AFF3: variants seen among roughly 807,000 people sequenced by gnomAD.
The protein encoded by AFF3 is AF4/FMR2 family member 3.
AFF3 carries 32 observed loss-of-function variants against 129.7 expected under a neutral mutation model. The ratio of observed to expected loss-of-function variants is 0.25; its 90% confidence interval spans 0.19 to 0.33. The LOEUF is 0.33. Among genes scored for constraint, AFF3 ranks in the 10% least tolerant of loss-of-function variants. The pLI is 1.00. For missense variants in AFF3, 1,373 were observed against 1,592.0 expected (o/e 0.86, Z 2.34); for synonymous variants, 644 against 635.4 (o/e 1.01, Z -0.20).
chr2:99,557,945 A>G (rs988226659), intron 22 of AFF3, among the ~76,000 whole-genome samples: 2 of 152,226 alleles, frequency 1.3e-5, no homozygotes, highest in Non-Finnish European at 2.9e-5. Flanking sequence ...AGAGGACCAG[A>G]AATCTCAAAT....
rs1674108610 is a variant in AFF3 at position 99,547,346 on chromosome 2, A to C, written c.*4128T>G. The C allele has an allele frequency of 4.6e-6, 1 of 219,100 alleles. No individual in the cohort carries two copies. The highest frequency in any genetic ancestry group is 1.8e-4 in the South Asian group (1 of 5,410). The allele number at this position is 219,100 out of a possible 1,614,324, so 13.6% of individuals were successfully genotyped here. ...GTTTATAAATTCCAATTTCACATGG[A>C]TTAAAAACTGCAGATAAATTAAGTC... On this transcript the variant is annotated 3_prime_UTR_variant, in exon 25 of 25. Transcript: ENST00000672756.
chr2:99,908,252 G>C (rs1406194025), intron 7 of AFF3, among the ~76,000 whole-genome samples: 1 of 152,098 alleles, frequency 6.6e-6, no homozygotes, highest in African/African-American at 2.4e-5. Flanking sequence ...AATAAATGGT[G>C]CTGGGAAAAC....
intron 14 of AFF3, among the ~76,000 whole-genome samples, chr2:99,598,138 C>A (rs1359680444): frequency 1.3e-5 from 2 of 152,144 alleles, no homozygotes; most frequent in Non-Finnish European, 2.9e-5. Flanking sequence ...TACACCCGAG[C>A]AATAGTAAGG....
chr2:99,617,778 C>T lies in AFF3; in HGVS notation c.1185-16157G>A, dbSNP rs148172685. 2.4e-3 allele frequency among the ~76,000 whole-genome samples: 361 copies of T among 152,200 alleles called. 1 individual carries two copies. The highest frequency in any genetic ancestry group is 8.4e-3 in the African/African-American group (349 of 41,496). ...TTTCAAGGCATTTTCTTTTCAAGTC[C>T]CACCTCTGAGCCTCACAACAAACCA... On this transcript the variant is annotated intron_variant, in intron 13 of 24. Coordinates refer to ENST00000672756, the MANE Select transcript of AFF3 (RefSeq NM_001386135.1).
intron 11 of AFF3, chr2:99,707,698 C>A: frequency 1.1e-6 from 1 of 948,220 alleles, no homozygotes; most frequent in Non-Finnish European, 1.3e-6. Flanking sequence ...AGGATGCCTG[C>A]CTTTTTTTTT....
At chr2:99,914,515 T>C (rs1284411703) in intron 7 of AFF3, among the ~76,000 whole-genome samples, 1 of 152,174 alleles carries the variant, frequency 6.6e-6, no homozygotes, top group Non-Finnish European at 1.5e-5. Context: ...GGTCTGTAGA[T>C]TATAGCATTG....
chr2:99,783,855 G>A (rs1684587696), intron 8 of AFF3, among the ~76,000 whole-genome samples: 1 of 152,186 alleles, frequency 6.6e-6, no homozygotes, highest in Admixed American at 6.5e-5. Context: ...ATTCAAGAGG[G>A]TCTCCTATAC....
At chr2:99,648,311 T>A (rs944267993) in intron 13 of AFF3, among the ~76,000 whole-genome samples, 1 of 152,244 alleles carries the variant, frequency 6.6e-6, no homozygotes, top group Non-Finnish European at 1.5e-5. Context: ...TTCCCTTGCG[T>A]CTCAGTGCAT....
At chr2:99,920,723 G>C (rs986381545) in intron 7 of AFF3, among the ~76,000 whole-genome samples, 2 of 151,878 alleles carry the variant, frequency 1.3e-5, no homozygotes, top group Non-Finnish European at 2.9e-5. Context: ...GAGAAAAAAA[G>C]GTGTACAGAT....
At chr2:100,013,457 A>T (rs1306603661) in intron 4 of AFF3, among the ~76,000 whole-genome samples, 1 of 152,238 alleles carries the variant, frequency 6.6e-6, no homozygotes, top group African/African-American at 2.4e-5. Flanking sequence ...CAAGAAACTT[A>T]GGATAAGAGT....
At chr2:99,879,846 T>C (rs953693671) in intron 7 of AFF3, among the ~76,000 whole-genome samples, 1 of 152,226 alleles carries the variant, frequency 6.6e-6, no homozygotes, top group African/African-American at 2.4e-5. Flanking sequence ...ACAGATAAAG[T>C]AGCTACAAAC....
chr2:99,751,555 A>G lies in AFF3; in HGVS notation c.1002+666T>C, dbSNP rs148393009. Among the ~76,000 whole-genome samples the G allele has an allele frequency of 4.5e-4, 69 of 152,358 alleles. No individual in the cohort carries two copies. In the East Asian group the frequency reaches 0.012, roughly 26 times the overall value. ...AAATGGCACATAAACTCCTGATAGT[A>G]ATCTCTGGGTAGGGAAATAATCTCT... On this transcript the variant is annotated intron_variant, in intron 9 of 24. Transcript: ENST00000672756.
intron 8 of AFF3, among the ~76,000 whole-genome samples, chr2:99,758,364 T>C (rs1445138990): frequency 6.6e-6 from 1 of 152,058 alleles, no homozygotes; most frequent in African/African-American, 2.4e-5. Flanking sequence ...GGAGGGAGGA[T>C]CACCTGAAGT....
chr2:99,760,097 AG>A (rs1486447130), intron 8 of AFF3, among the ~76,000 whole-genome samples: 1 of 152,240 alleles, frequency 6.6e-6, no homozygotes, highest in Non-Finnish European at 1.5e-5. Context: ...ATTCAATAAA[AG>A]ACAGTACTGA....
At chr2:100,000,568 G>A (rs976764935) in intron 7 of AFF3, among the ~76,000 whole-genome samples, 10 of 151,808 alleles carry the variant, frequency 6.6e-5, no homozygotes, top group East Asian at 1.9e-4. Context: ...CAATATACTC[G>A]CTTTTCTATT....
chr2:99,727,159 A>G (rs771972778), intron 10 of AFF3, 31 bp from the exon 11 acceptor site: 15 of 1,590,152 alleles, frequency 9.4e-6, no homozygotes, highest in Non-Finnish European at 2.6e-6. Context: ...AAATACCGAC[A>G]TATGAGTCTT....
rs560559549 is a variant in AFF3 at position 99,549,631 on chromosome 2, T to C, written c.*1843A>G. ...AAGAAGCACCCCAGTTGGAGACATG[T>C]AAAATGGAAATTCTCTTAATATTTC... is the stretch of plus-strand genomic sequence containing the variant. On this transcript the variant is annotated 3_prime_UTR_variant, in exon 25 of 25. Transcript: ENST00000672756. 4.8e-6 allele frequency: 1 copy of C among 206,372 alleles called. No homozygotes were observed. The highest frequency in any genetic ancestry group is 2.3e-5 in the African/African-American group (1 of 43,998). The allele number at this position is 206,372 out of a possible 1,614,324, so 12.8% of individuals were successfully genotyped here.
chr2:99,933,615 G>A (rs992059185), intron 7 of AFF3, among the ~76,000 whole-genome samples: 26 of 151,990 alleles, frequency 1.7e-4, no homozygotes, highest in African/African-American at 6.3e-4. Flanking sequence ...CTGTTCTTGT[G>A]ATAGTTTGCT....
chr2:99,971,866 A>G (rs757116365), intron 7 of AFF3, among the ~76,000 whole-genome samples: 14 of 152,352 alleles, frequency 9.2e-5, no homozygotes, highest in South Asian at 2.1e-4. Context: ...TGGTTAAGAA[A>G]GCTTTATGGC....
Sources: gnomAD v4.1 joint callset for allele counts (sites outside exome capture counted in the v4.1 genomes callset) on GRCh38, gnomAD v4.1.1 for gene constraint, MANE v1.5 for transcripts, NCBI Gene and HGNC (gene_info 2026-07-23, HGNC 2026-07-21) for gene names.